Variants in COLEC10 observed in about 807,000 individuals in gnomAD.
The protein encoded by COLEC10 is collectin subfamily member 10.
Under a neutral mutation model 28.4 loss-of-function variants are expected in COLEC10, and 22 were observed. The ratio of observed to expected loss-of-function variants is 0.78; its 90% CI spans 0.55 to 1.11. COLEC10 has a LOEUF of 1.11. COLEC10 is among the 50% of genes least tolerant of loss of function. The pLI is 0.00. For missense variants in COLEC10, 361 were observed against 344.1 expected (o/e 1.05, Z -0.39); for synonymous variants, 125 against 116.1 (o/e 1.08, Z -0.49).
intron 2 of COLEC10, among the ~76,000 whole-genome samples, chr8:119,054,779 G>A (rs1563729115): frequency 6.6e-6 from 1 of 152,126 alleles, no homozygotes; most frequent in South Asian, 2.1e-4. Flanking sequence ...TATAAATTGT[G>A]ACATGCCCTT....
At chr8:118,965,314 G>A in the COLEC10 span, among the ~76,000 whole-genome samples, 1 of 152,030 alleles carries the variant, frequency 6.6e-6, no homozygotes, top group Non-Finnish European at 1.5e-5. Flanking sequence ...ACCTAAGAAT[G>A]TTGGGTTTTG....
chr8:119,045,620 A>G (rs1338166380), intron 2 of COLEC10, among the ~76,000 whole-genome samples: 1 of 152,242 alleles, frequency 6.6e-6, no homozygotes, highest in African/African-American at 2.4e-5. Context: ...TTCTTTCTGC[A>G]CACATAACAA....
intron 2 of COLEC10, among the ~76,000 whole-genome samples, chr8:119,053,001 G>C (rs1038033372): frequency 6.6e-6 from 1 of 152,106 alleles, no homozygotes; most frequent in Non-Finnish European, 1.5e-5. Flanking sequence ...GGAAAGTCCT[G>C]AGCGAAGACG....
chr8:118,968,126 G>T, the COLEC10 span, among the ~76,000 whole-genome samples: 3 of 151,344 alleles, frequency 2.0e-5, no homozygotes, highest in Non-Finnish European at 4.4e-5. Flanking sequence ...TGTGTTTAGA[G>T]GTTTTTTTTA....
At chr8:119,024,627 G>T (rs1343059476) in intron 2 of COLEC10, among the ~76,000 whole-genome samples, 1 of 151,960 alleles carries the variant, frequency 6.6e-6, no homozygotes, top group Admixed American at 6.6e-5. Context: ...GCAGCCACCT[G>T]CCTTTGAGGG....
the COLEC10 span, among the ~76,000 whole-genome samples, chr8:118,981,534 T>C: frequency 2.6e-5 from 4 of 152,168 alleles, no homozygotes; most frequent in East Asian, 5.8e-4. Context: ...TTGTGTGGTA[T>C]ATTTTCTAAC....
At chr8:119,102,507 T>A in intron 4 of COLEC10, 106 bp downstream of exon 4, 1 of 915,514 alleles carries the variant, frequency 1.1e-6, no homozygotes, top group South Asian at 1.7e-5. Flanking sequence ...TTTAGTATGC[T>A]TAACCTTATT....
chr8:119,067,822 A>C (rs1430564299), intron 1 of COLEC10: 1 of 157,050 alleles, frequency 6.4e-6, no homozygotes, highest in Non-Finnish European at 1.4e-5. Flanking sequence ...GATGCTGGTA[A>C]AGCTGTTTAA....
At chr8:119,072,270 T>C (rs573885895) in intron 1 of COLEC10, among the ~76,000 whole-genome samples, 2 of 150,580 alleles carry the variant, frequency 1.3e-5, no homozygotes, top group African/African-American at 2.5e-5. Flanking sequence ...CTAGCACACA[T>C]TGAGTAGCTG....
At chr8:119,029,129 C>T (rs1199813118) in intron 2 of COLEC10, among the ~76,000 whole-genome samples, 1 of 152,090 alleles carries the variant, frequency 6.6e-6, no homozygotes, top group African/African-American at 2.4e-5. Context: ...CACAGTGGTT[C>T]AGAGCACAGG....
chr8:119,087,309 A>G (rs1028066857), intron 1 of COLEC10, among the ~76,000 whole-genome samples: 1 of 152,196 alleles, frequency 6.6e-6, no homozygotes, highest in African/African-American at 2.4e-5. Context: ...ATACACCGAC[A>G]CATTTGGTAT....
intron 3 of COLEC10, among the ~76,000 whole-genome samples, chr8:119,101,810 T>G (rs1205654918): frequency 6.6e-6 from 1 of 152,176 alleles, no homozygotes; most frequent in Non-Finnish European, 1.5e-5. Flanking sequence ...TGTTTTGTTT[T>G]GTTTTGTTTT....
At chr8:119,028,523 A>G (rs547655680) in intron 2 of COLEC10, among the ~76,000 whole-genome samples, 92 of 152,290 alleles carry the variant, frequency 6.0e-4, no homozygotes, top group African/African-American at 2.1e-3. Flanking sequence ...GAAACCCCTG[A>G]TAAACCCATC....
intron 1 of COLEC10, among the ~76,000 whole-genome samples, chr8:119,087,442 G>GA (rs1398426955): frequency 1.3e-5 from 2 of 151,964 alleles, no homozygotes; most frequent in Admixed American, 6.6e-5. Context: ...ACACCCTCTG[G>GA]AAAAAAAGTG....
At chr8:119,038,287 A>C (rs1814427541) in intron 2 of COLEC10, among the ~76,000 whole-genome samples, 1 of 152,222 alleles carries the variant, frequency 6.6e-6, no homozygotes, top group South Asian at 2.1e-4. Context: ...GATTATATAC[A>C]CAGTAAATTC....
chr8:119,084,693 A>G (rs1252873762), intron 1 of COLEC10, among the ~76,000 whole-genome samples: 2 of 152,226 alleles, frequency 1.3e-5, no homozygotes, highest in Non-Finnish European at 2.9e-5. Context: ...GTTTGTTCTT[A>G]CCCTTTAAAA....
chr8:118,952,987 T>C, the COLEC10 span, among the ~76,000 whole-genome samples: 1 of 152,236 alleles, frequency 6.6e-6, no homozygotes, highest in African/African-American at 2.4e-5. Flanking sequence ...AAGTTATATG[T>C]CTCCAGAGAA....
chr8:118,985,618 C>T, the COLEC10 span, among the ~76,000 whole-genome samples: 1 of 152,068 alleles, frequency 6.6e-6, no homozygotes, highest in African/African-American at 2.4e-5. Flanking sequence ...GTGCTCAAGC[C>T]TCCTTCTCCC....
intron 1 of COLEC10, among the ~76,000 whole-genome samples, chr8:119,071,733 A>G (rs970454463): frequency 1.3e-5 from 2 of 152,134 alleles, no homozygotes; most frequent in African/African-American, 4.8e-5. Flanking sequence ...CTTGCTGAGC[A>G]TGGTTTTCTA....
Sources: allele counts gnomAD v4.1 joint callset (sites outside exome capture counted in the v4.1 genomes callset), GRCh38; gene constraint gnomAD v4.1.1; transcripts MANE v1.5; gene names NCBI Gene and HGNC (gene_info 2026-07-23, HGNC 2026-07-21).